WNK2: variants seen among roughly 807,000 people sequenced by gnomAD.
WNK2 encodes WNK lysine deficient protein kinase 2.
In WNK2, 67 loss-of-function variants were observed where a neutral mutation model predicts 192.1. That is an observed-to-expected ratio of 0.35 (90% CI 0.29 to 0.43). The LOEUF (loss-of-function observed/expected upper bound fraction) is 0.43. Among genes scored for constraint, WNK2 ranks in the 20% least tolerant of loss-of-function variants. The pLI, the probability that WNK2 is intolerant of heterozygous loss-of-function variation, is 1.00. For missense variants in WNK2, 2,698 were observed against 3,089.7 expected, an observed-to-expected ratio of 0.87 and a Z score of 3.01; for synonymous variants, 1,439 against 1,393.9, an observed-to-expected ratio of 1.03 and a Z score of -0.72.
rs183445517 is a variant in WNK2 at position 93,274,730 on chromosome 9, C to A, written c.4033+5984C>A. ...ATCTAAGATAGAATAATCTGAATAG[C>A]CCTGTACCTGTTTTTAAATTCATTC... is the stretch of plus-strand genomic sequence containing the variant. On this transcript the variant is annotated intron_variant, in intron 19 of 29. Coordinates refer to ENST00000427277, the MANE Select transcript of WNK2 (RefSeq NM_006648.4). Among the ~76,000 whole-genome samples, 220 of 152,160 alleles carry A rather than the reference C, an allele frequency of 1.4e-3. 1 individual carries two copies. Among genetic ancestry groups the A allele is most frequent in the African/African-American group, 4.7e-3 (194 of 41,496 alleles).
rs1157839408 is a variant in WNK2 at position 93,308,133 on chromosome 9, C to A, written c.6260-195C>A. The A allele has an allele frequency of 9.4e-6, 11 of 1,164,954 alleles. No individual in the cohort carries two copies. In the East Asian group the frequency reaches 2.9e-4, roughly 30 times the overall value. The allele number at this position is 1,164,954 out of a possible 1,614,324, so 72.2% of individuals were successfully genotyped here. On this transcript the variant is annotated intron_variant, in intron 27 of 29. Transcript: ENST00000427277. The stretch of plus-strand genomic sequence containing the variant: ...GGTGGGTGATGGCCACCTGGCACAG[C>A]CCATGGAAATGCCCCACCATGTCTG...
chr9:93,238,236 A>G lies in WNK2; in HGVS notation c.1237A>G (p.Ile413Val), dbSNP rs1365146046. 9 of 1,613,862 alleles carry G rather than the reference A, an allele frequency of 5.6e-6. No homozygotes were observed. The highest frequency in any genetic ancestry group is 5.0e-5 in the Admixed American group (3 of 60,002). Reference protein sequence around the residue: ...AQIYRKVTCGIKPASFEKVHD... With the variant: ...AQIYRKVTCGVKPASFEKVHD... ...AACTCTGCTCTCTCCCTGTCAGGGT[A>G]TCAAGCCGGCCAGCTTTGAGAAAGT... The change falls in exon 6 of 30, where the codon ATC (isoleucine) becomes GTC (valine). Residue 413 changes from isoleucine to valine, a missense_variant. Physicochemically the swap from Ile to Val is conservative, Grantham distance 29. This residue lies in a region of WNK2 where 230 missense variants were observed against 501.1 expected (regional missense o/e 0.46). Coordinates refer to ENST00000427277, the MANE Select transcript of WNK2 (RefSeq NM_006648.4).
intron 19 of WNK2, among the ~76,000 whole-genome samples, chr9:93,287,076 A>C (rs1848553898): frequency 6.6e-6 from 1 of 152,232 alleles, no homozygotes; most frequent in South Asian, 2.1e-4. Context: ...TAAGCTCTAG[A>C]GCTTTGCCAC....
chr9:93,246,531 A>C (rs1325290638), intron 7 of WNK2, among the ~76,000 whole-genome samples: 1 of 152,144 alleles, frequency 6.6e-6, no homozygotes, highest in Non-Finnish European at 1.5e-5. Context: ...CCCAGCAAAA[A>C]GGTTCCTGTT....
chr9:93,206,670 G>A (rs1379176656), intron 2 of WNK2, among the ~76,000 whole-genome samples: 2 of 152,238 alleles, frequency 1.3e-5, no homozygotes, highest in East Asian at 3.9e-4. Context: ...TGCAGAATGA[G>A]TGTTGACCAT....
At chr9:93,254,336 A>C (rs1842986015) in intron 9 of WNK2, among the ~76,000 whole-genome samples, 1 of 152,232 alleles carries the variant, frequency 6.6e-6, no homozygotes, top group Non-Finnish European at 1.5e-5. Flanking sequence ...CCTCGTGAGC[A>C]GCTCCTGCCT....
intron 26 of WNK2, among the ~76,000 whole-genome samples, chr9:93,300,667 A>G (rs1851453246): frequency 6.6e-6 from 1 of 152,164 alleles, no homozygotes; most frequent in South Asian, 2.1e-4. Flanking sequence ...ATACGGTTCT[A>G]AAGGTCACTG....
rs1204135502 is a variant in WNK2 at position 93,317,595 on chromosome 9, C to G, written c.6592C>G (p.Pro2198Ala). ...APGPLSTTVI[P>A]GAAPTLSVPT... Reference sequence around the variant, plus strand: ...CGGCCCTCTGTCCACCACGGTCATTCCCGGAGCCGCCCCGACCCTGTCCGT... The same window carrying G: ...CGGCCCTCTGTCCACCACGGTCATTGCCGGAGCCGCCCCGACCCTGTCCGT... Residue 2198 changes from proline to alanine, a missense_variant, in exon 29 of 30, where the codon CCC (proline) becomes GCC (alanine). Pro to Ala is a conservative substitution (Grantham distance 27, BLOSUM62 -1). Around this residue, in one of 7 missense-constraint regions of WNK2, gnomAD observed 167 missense variants for 184.2 expected, o/e 0.91. Coordinates refer to ENST00000427277, the MANE Select transcript of WNK2 (RefSeq NM_006648.4). The G allele has an allele frequency of 6.2e-7, 1 of 1,613,234 alleles. No homozygotes were observed. The highest frequency in any genetic ancestry group is 1.1e-5 in the South Asian group (1 of 91,082).
chr9:93,253,430 C>T (rs188772002), intron 9 of WNK2, among the ~76,000 whole-genome samples: 2 of 151,964 alleles, frequency 1.3e-5, no homozygotes, highest in East Asian at 1.9e-4. Flanking sequence ...CCCTGGGGAG[C>T]GGGCACAGTG....
rs574683270 is a variant in WNK2, at chr9:93,292,825, C to T, written c.5360C>T (p.Ala1787Val). Residue 1787 changes from alanine (A) to valine (V), a missense_variant, in exon 23 of 30, where the codon GCA becomes GTA. Physicochemically the swap from Ala to Val is moderately conservative, Grantham distance 64 (BLOSUM62 0). Coordinates refer to ENST00000427277, the MANE Select transcript of WNK2 (RefSeq NM_006648.4). Reference sequence around the variant, plus strand: ...CCCTCCAGCCCCGACGTGAAGCTGGCAGTGCGGCGGGCGCAGACGGCCTCC... The same window carrying T: ...CCCTCCAGCCCCGACGTGAAGCTGGTAGTGCGGCGGGCGCAGACGGCCTCC... ...EAPSSPDVKL[A>V]VRRAQTASSI... 2.6e-6 allele frequency: 4 copies of T among 1,524,496 alleles called. No homozygotes were observed. In the Admixed American group the frequency reaches 6.3e-5, roughly 24 times the overall value. The allele number at this position is 1,524,496 out of a possible 1,614,324, so 94.4% of individuals were successfully genotyped here.
Position 93,259,434 on chromosome 9 carries a change from GC to G in WNK2, c.2891del (p.Pro964LeufsTer150). The G allele has an allele frequency of 2.1e-6, 3 of 1,448,382 alleles. No homozygotes were observed. Among genetic ancestry groups the G allele is most frequent in the Non-Finnish European group, 1.8e-6 (2 of 1,094,562 alleles). The allele number at this position is 1,448,382 out of a possible 1,614,324, so 89.7% of individuals were successfully genotyped here. A position where few individuals can be genotyped will look rare whatever the true frequency, so the allele number is the denominator to read the frequency against. Reference sequence around the variant, plus strand: ...CCGTGCTGCCCCCGCAACCCACGCTGCCCCCTCAACCTGTGTTGCCCCCGCA... The same window carrying G: ...CCGTGCTGCCCCCGCAACCCACGCTGCCCCTCAACCTGTGTTGCCCCCGCA... ...QPVLPPQPTL[P>X]PQPVLPPQPT... On this transcript the variant is annotated frameshift_variant, in exon 12 of 30. Coordinates refer to ENST00000427277, the MANE Select transcript of WNK2 (RefSeq NM_006648.4). LOFTEE classifies it high-confidence loss of function. The surrounding 1 kb of genome is among the most constrained non-coding windows in gnomAD (Gnocchi z 4.8).
At chr9:93,272,883 CAA>C (rs1348717714) in intron 19 of WNK2, among the ~76,000 whole-genome samples, 3 of 151,994 alleles carry the variant, frequency 2.0e-5, no homozygotes, top group African/African-American at 7.3e-5. Flanking sequence ...TAATTAACCT[CAA>C]GTTAACAGTT....
rs368860360 is a variant in WNK2 at position 93,259,331 on chromosome 9, C to T, written c.2783C>T (p.Pro928Leu). The T allele has an allele frequency of 1.2e-5, 19 of 1,613,476 alleles. No homozygotes were observed. The highest frequency in any genetic ancestry group is 2.2e-5 in the East Asian group (1 of 44,860). ...GCGCCTACTGACGTCCCTCCTTCCC[C>T]CCATCACACGGTGCAGAATATGAGG... Reference protein sequence around the residue: ...QMAPTDVPPSPHHTVQNMRAT... With the variant: ...QMAPTDVPPSLHHTVQNMRAT... The change falls in exon 12 of 30, where the codon CCC (proline) becomes CTC (leucine). Residue 928 changes from proline (P) to leucine (L), a missense_variant. By Grantham distance (98) the Pro-to-Leu change is moderately conservative (BLOSUM62 -3). This residue lies in a region of WNK2 where 893 missense variants were observed against 909.0 expected (regional missense o/e 0.98). Transcript: ENST00000427277. The surrounding 1 kb of genome is among the most constrained non-coding windows in gnomAD (Gnocchi z 4.8).
intron 8 of WNK2, among the ~76,000 whole-genome samples, chr9:93,250,628 T>A (rs962335994): frequency 6.6e-6 from 1 of 152,196 alleles, no homozygotes; most frequent in African/African-American, 2.4e-5. Context: ...TTTCCCTTGT[T>A]GTGTTTTCTT....
At chr9:93,314,750 T>A (rs904289162) in intron 28 of WNK2, among the ~76,000 whole-genome samples, 4 of 151,992 alleles carry the variant, frequency 2.6e-5, no homozygotes, top group Non-Finnish European at 5.9e-5. Context: ...CAAAAAGAAG[T>A]CAGAGGGAGC....
chr9:93,318,922 T>G, intron 29 of WNK2: 3 of 1,416,988 alleles, frequency 2.1e-6, no homozygotes, highest in Non-Finnish European at 2.8e-6. Context: ...CTGTACTTAT[T>G]AGAACTGGGT....
At chr9:93,245,729 T>A (rs1588149572) in intron 7 of WNK2, among the ~76,000 whole-genome samples, 2 of 152,248 alleles carry the variant, frequency 1.3e-5, no homozygotes, top group South Asian at 4.1e-4. Flanking sequence ...ACTCAATGGG[T>A]CCTGCTCCAC....
At chr9:93,209,044 A>G (rs1380681165) in intron 2 of WNK2, among the ~76,000 whole-genome samples, 1 of 152,194 alleles carries the variant, frequency 6.6e-6, no homozygotes, top group Non-Finnish European at 1.5e-5. Flanking sequence ...AAGAGGTTGC[A>G]GCTCTCCTAT....
At chr9:93,211,414 C>A (rs1328573802) in intron 2 of WNK2, among the ~76,000 whole-genome samples, 1 of 148,306 alleles carries the variant, frequency 6.7e-6, no homozygotes, top group Non-Finnish European at 1.5e-5. Context: ...TCCACTTACC[C>A]ACCACTCATT....
Sources: allele counts gnomAD v4.1 joint callset (sites outside exome capture counted in the v4.1 genomes callset), GRCh38; gene constraint gnomAD v4.1.1; regional missense constraint gnomAD v4.1.1; non-coding constraint Gnocchi (gnomAD v3.1); transcripts MANE v1.5; gene names NCBI Gene and HGNC (gene_info 2026-07-23, HGNC 2026-07-21).